Variants in ADGRV1 observed in about 807,000 individuals in gnomAD.
The protein encoded by ADGRV1 is adhesion G protein-coupled receptor V1.
Under a neutral mutation model 596.2 loss-of-function variants are expected in ADGRV1, and 359 were observed. The ratio of observed to expected loss-of-function variants is 0.60; its 90% CI spans 0.55 to 0.66. The LOEUF is 0.66. Among genes scored for constraint, ADGRV1 ranks in the 30% least tolerant of loss-of-function variants. ADGRV1 has a pLI of 0.00. For missense variants in ADGRV1, 7,274 were observed against 7,575.6 expected (o/e 0.96, Z 1.48); for synonymous variants, 2,681 against 2,679.2 (o/e 1.00, Z -0.02).
rs192654926 is a variant in ADGRV1 at position 90,625,145 on chromosome 5, A to G, written c.574A>G (p.Asn192Asp). The change falls in exon 6 of 90, where the codon AAT becomes GAT. Residue 192 changes from asparagine (N) to aspartate (D), a missense_variant. Coordinates refer to ENST00000405460, the MANE Select transcript of ADGRV1 (RefSeq NM_032119.4). ...TTCTTTGCAGGTAGAGGGTGGCCCA[A>G]ATCCCCCTGATGAAGATTTGAGTCC... is the stretch of plus-strand genomic sequence containing the variant. ...MVTFEVEGGP[N>D]PPDEDLSPVK... The G allele has an allele frequency of 1.3e-5, 21 of 1,611,460 alleles. No homozygotes were observed. Among genetic ancestry groups the G allele is most frequent in the Non-Finnish European group, 1.6e-5 (19 of 1,178,414 alleles).
chr5:90,755,262 T>TA (rs959489151), intron 55 of ADGRV1, 77 bp downstream of exon 55: 1 of 903,148 alleles, frequency 1.1e-6, no homozygotes, highest in Non-Finnish European at 1.6e-6. Flanking sequence ...CTCTTGTAAG[T>TA]AAAAATCTTT....
chr5:90,755,290 C>G (rs1755717603), intron 55 of ADGRV1, 105 bp downstream of exon 55: 4 of 700,470 alleles, frequency 5.7e-6, no homozygotes, highest in Non-Finnish European at 9.1e-6. Flanking sequence ...TAAAAGGATT[C>G]TTTTAAACAT....
At chr5:90,593,534 G>A (rs901956820) in intron 1 of ADGRV1, among the ~76,000 whole-genome samples, 2 of 152,078 alleles carry the variant, frequency 1.3e-5, no homozygotes, top group African/African-American at 2.4e-5. Flanking sequence ...GACCAACATG[G>A]CACATGTATA....
At chr5:90,989,724 T>G (rs565729093) in intron 85 of ADGRV1, among the ~76,000 whole-genome samples, 31 of 152,358 alleles carry the variant, frequency 2.0e-4, no homozygotes, top group African/African-American at 7.2e-4. Flanking sequence ...CACACTAAAC[T>G]GCTGAACCAG....
intron 82 of ADGRV1, 144 bp from the exon 83 acceptor site, chr5:90,863,613 T>A: frequency 1.5e-6 from 1 of 664,332 alleles, no homozygotes; most frequent in East Asian, 2.7e-5. Flanking sequence ...TAGATTACAA[T>A]TGCCATGTCA....
intron 87 of ADGRV1, among the ~76,000 whole-genome samples, chr5:91,127,558 A>AT (rs1793872352): frequency 6.6e-6 from 1 of 151,168 alleles, no homozygotes; most frequent in Admixed American, 6.6e-5. Context: ...AAAAAAAAAA[A>AT]TCTTACTAGA....
chr5:90,623,492 G>A (rs1764355734), intron 5 of ADGRV1, among the ~76,000 whole-genome samples: 2 of 152,006 alleles, frequency 1.3e-5, no homozygotes, highest in African/African-American at 4.8e-5. Flanking sequence ...GCTCACTGCA[G>A]CCTCAACCTC....
intron 85 of ADGRV1, chr5:91,031,323 C>G (rs1784464164): frequency 2.2e-6 from 3 of 1,346,956 alleles, no homozygotes; most frequent in Admixed American, 3.4e-5. Flanking sequence ...GCTGCACTTG[C>G]TAACAGATAC....
chr5:90,737,719 T>A (rs1753431776), intron 50 of ADGRV1, among the ~76,000 whole-genome samples: 1 of 152,034 alleles, frequency 6.6e-6, no homozygotes, highest in Non-Finnish European at 1.5e-5. Context: ...TTACTTAAAG[T>A]CTATTTTACC....
At chr5:90,922,670 T>C (rs1306797245) in intron 83 of ADGRV1, among the ~76,000 whole-genome samples, 1 of 152,186 alleles carries the variant, frequency 6.6e-6, no homozygotes, top group Non-Finnish European at 1.5e-5. Flanking sequence ...ATATAAACCT[T>C]GCTACTCAGA....
Position 90,777,924 on chromosome 5 carries a change from AT to A in ADGRV1, c.12551del (p.Leu4184TrpfsTer25). ...TTGTAGCCTTGTTCGAGGCCCAGGGATTTTGGGGGAGGTCACAGTGTTCTGG... is the reference window on the plus strand; with the variant it reads ...TTGTAGCCTTGTTCGAGGCCCAGGGATTTGGGGGAGGTCACAGTGTTCTGG... ...AIISLVRGPG[I>X]LGEVTVFWRI... On this transcript the variant is annotated frameshift_variant, in exon 62 of 90. Transcript: ENST00000405460. LOFTEE classifies it high-confidence loss of function. The A allele has an allele frequency of 6.2e-7, 1 of 1,611,124 alleles. No individual in the cohort carries two copies. Among genetic ancestry groups the A allele is most frequent in the Non-Finnish European group, 8.5e-7 (1 of 1,178,024 alleles).
chr5:91,017,345 C>T (rs887561957), intron 85 of ADGRV1, among the ~76,000 whole-genome samples: 3 of 150,740 alleles, frequency 2.0e-5, no homozygotes, highest in Non-Finnish European at 3.0e-5. Context: ...ATAAAATAAG[C>T]ACCAAAAAAA....
intron 50 of ADGRV1, among the ~76,000 whole-genome samples, chr5:90,732,293 A>T (rs1752656807): frequency 6.6e-6 from 1 of 152,204 alleles, no homozygotes; most frequent in Admixed American, 6.5e-5. Flanking sequence ...ACTGTGCCCA[A>T]CTGATTCTCC....
chr5:90,839,324 C>T lies in ADGRV1; in HGVS notation c.16612-1254C>T, dbSNP rs140772074. ...CTGCCTCCCGGATTCAAGCGATTCTCCTGCCGCAGCGTCCCCAGTAGTTGG... is the reference window on the plus strand; with the variant it reads ...CTGCCTCCCGGATTCAAGCGATTCTTCTGCCGCAGCGTCCCCAGTAGTTGG... On this transcript the variant is annotated intron_variant, in intron 77 of 89. Transcript: ENST00000405460. Among the ~76,000 whole-genome samples, 268 of 152,336 alleles carry T rather than the reference C, an allele frequency of 1.8e-3. 1 individual carries two copies. Among genetic ancestry groups the T allele is most frequent in the Non-Finnish European group, 3.1e-3 (213 of 68,038 alleles).
intron 29 of ADGRV1, among the ~76,000 whole-genome samples, chr5:90,687,345 G>C (rs1024938387): frequency 6.6e-5 from 10 of 152,264 alleles, no homozygotes; most frequent in Non-Finnish European, 1.0e-4. Context: ...ATGGTTTTAG[G>C]TCTAACGTTT....
chr5:91,160,297 G>A (rs1796835983), intron 89 of ADGRV1, among the ~76,000 whole-genome samples: 1 of 152,146 alleles, frequency 6.6e-6, no homozygotes, highest in Non-Finnish European at 1.5e-5. Context: ...AACTTATGCA[G>A]CCCAGTGTAG....
chr5:91,005,451 C>T (rs1782192331), intron 85 of ADGRV1, among the ~76,000 whole-genome samples: 1 of 152,120 alleles, frequency 6.6e-6, no homozygotes, highest in South Asian at 2.1e-4. Flanking sequence ...ATTCTTCTGC[C>T]TCTGCCTCCC....
intron 2 of ADGRV1, among the ~76,000 whole-genome samples, chr5:90,616,731 T>C (rs1763415519): frequency 6.6e-6 from 1 of 152,152 alleles, no homozygotes; most frequent in Non-Finnish European, 1.5e-5. Flanking sequence ...ACTTCAAACA[T>C]TAATCTTTTC....
At chr5:90,816,461 G>T (rs1762902418) in intron 75 of ADGRV1, among the ~76,000 whole-genome samples, 1 of 150,828 alleles carries the variant, frequency 6.6e-6, no homozygotes. Flanking sequence ...TGCATAATGT[G>T]CAGGTTTGTT....
Sources: gnomAD v4.1 joint callset for allele counts (sites outside exome capture counted in the v4.1 genomes callset) on GRCh38, gnomAD v4.1.1 for gene constraint, MANE v1.5 for transcripts, NCBI Gene and HGNC (gene_info 2026-07-23, HGNC 2026-07-21) for gene names.